Variants in BPIFC observed in about 807,000 individuals in gnomAD.
BPIFC encodes BPI fold containing family C, also known as BPI fold-containing family C protein.
In BPIFC, 60 loss-of-function variants were observed where a neutral mutation model predicts 57.6. That is an observed-to-expected ratio of 1.04 (90% CI 0.85 to 1.29). The LOEUF is 1.29. BPIFC is among the 50% of genes most tolerant of loss of function. The pLI, the probability that BPIFC is intolerant of heterozygous loss-of-function variation, is 0.00. For missense variants in BPIFC, 581 were observed against 600.5 expected (o/e 0.97, Z 0.34); for synonymous variants, 243 against 224.5 (o/e 1.08, Z -0.74).
At position 32,432,441 on chromosome 22, in the gene BPIFC, G is replaced by C. The variant is rs1339263917; in HGVS notation, c.1081C>G (p.Pro361Ala). The change falls in exon 12 of 17, where the codon CCT (proline) becomes GCT (alanine). Residue 361 changes from proline (P) to alanine (A), a missense_variant. Coordinates refer to ENST00000300399, the MANE Select transcript of BPIFC (RefSeq NM_174932.3). Reference protein sequence around the residue: ...LQPGNFTLDIPASIMMLTQPK... With the variant: ...LQPGNFTLDIAASIMMLTQPK... ...TGGGTGAGCATCATGATGGAGGCAG[G>C]GATGTCCAGGGTGAAATTGCCTGGT... 1 of 1,614,104 alleles carries C rather than the reference G, an allele frequency of 6.2e-7. No individual in the cohort carries two copies. Among genetic ancestry groups the C allele is most frequent in the Middle Eastern group, 1.7e-4 (1 of 6,052 alleles).
intron 1 of BPIFC, among the ~76,000 whole-genome samples, chr22:32,462,541 A>C (rs1006093147): frequency 5.9e-5 from 9 of 152,190 alleles, no homozygotes; most frequent in African/African-American, 2.2e-4. Flanking sequence ...TAAAATAATA[A>C]ATTTTTATTT....
intron 3 of BPIFC, 123 bp from the exon 4 acceptor site, chr22:32,453,626 C>G (rs1366914332): frequency 4.8e-6 from 6 of 1,239,414 alleles, no homozygotes; most frequent in Middle Eastern, 2.9e-4. Context: ...AAAATGGCAA[C>G]CCCACAAAGT....
At chr22:32,414,562 G>T (rs375662674) in intron 16 of BPIFC, 137 bp from the exon 17 acceptor site, 1 of 1,092,194 alleles carries the variant, frequency 9.2e-7, no homozygotes, top group South Asian at 1.6e-5. Flanking sequence ...CGCCCAGGCT[G>T]GAGTGTGGTG....
chr22:32,435,684 C>T lies in BPIFC; in HGVS notation c.924+20G>A. On this transcript the variant is annotated intron_variant, in intron 10 of 16. Transcript: ENST00000300399. ...GCTGAATGATGGTGACCATTGACAT[C>T]CTCAGTTAACTCTCCTCACCTCTTC... is the stretch of plus-strand genomic sequence containing the variant. 1 of 1,603,332 alleles carries T rather than the reference C, an allele frequency of 6.2e-7. No individual in the cohort carries two copies. Among genetic ancestry groups the T allele is most frequent in the South Asian group, 1.1e-5 (1 of 89,256 alleles).
chr22:32,450,156 A>G (rs1934855490), intron 4 of BPIFC, among the ~76,000 whole-genome samples: 2 of 126,940 alleles, frequency 1.6e-5, no homozygotes, highest in South Asian at 4.9e-4. Flanking sequence ...ATACACATAT[A>G]TACACACATA....
At chr22:32,455,684 C>T (rs1002190349) in intron 3 of BPIFC, among the ~76,000 whole-genome samples, 3 of 152,116 alleles carry the variant, frequency 2.0e-5, no homozygotes, top group East Asian at 1.9e-4. Flanking sequence ...TTTCAAGCTC[C>T]GGCAGCACAG....
At chr22:32,442,311 CA>C (rs549608183) in intron 8 of BPIFC, among the ~76,000 whole-genome samples, 213 of 152,258 alleles carry the variant, frequency 1.4e-3, no homozygotes, top group African/African-American at 4.9e-3. Flanking sequence ...ATGCTCAGGG[CA>C]GCCACTGCAG....
chr22:32,440,397 C>T (rs924453916), intron 8 of BPIFC, among the ~76,000 whole-genome samples: 10 of 152,094 alleles, frequency 6.6e-5, no homozygotes, highest in Admixed American at 2.6e-4. Flanking sequence ...CCACCTTGGC[C>T]TCCCAAAGTG....
At chr22:32,424,687 TTCTTCCTCTTCTTCTTCC>T (rs1569448088) in intron 13 of BPIFC, among the ~76,000 whole-genome samples, 30 of 77,662 alleles carry the variant, frequency 3.9e-4, no homozygotes, top group Non-Finnish European at 6.4e-4. Flanking sequence ...CTTCTTCTTC[TTCTTCCTCTTCTTCTTCC>T]TCTTCTTCTT....
At chr22:32,460,293 G>A (rs1488533909) in intron 2 of BPIFC, among the ~76,000 whole-genome samples, 1 of 152,198 alleles carries the variant, frequency 6.6e-6, no homozygotes, top group East Asian at 1.9e-4. Flanking sequence ...CCACACCAGT[G>A]TACGCAGCTG....
At chr22:32,447,041 C>T (rs1037745651) in intron 5 of BPIFC, among the ~76,000 whole-genome samples, 171 bp downstream of exon 5, 5 of 152,136 alleles carry the variant, frequency 3.3e-5, no homozygotes, top group Non-Finnish European at 5.9e-5. Context: ...ATCAAAACCC[C>T]CCAGTAGGAT....
At chr22:32,462,165 T>A (rs1230214402) in intron 1 of BPIFC, among the ~76,000 whole-genome samples, 4 of 38,556 alleles carry the variant, frequency 1.0e-4, no homozygotes, top group African/African-American at 4.1e-4. Flanking sequence ...CGAGACTCCA[T>A]CTCAAAAAAA....
chr22:32,422,831 T>C (rs997459730), intron 13 of BPIFC, among the ~76,000 whole-genome samples: 1 of 152,048 alleles, frequency 6.6e-6, no homozygotes, highest in African/African-American at 2.4e-5. Flanking sequence ...GGAAAACAAG[T>C]TTCCCTTTGA....
intron 15 of BPIFC, 133 bp downstream of exon 15, chr22:32,416,952 G>C (rs1177856383): frequency 4.6e-5 from 41 of 888,590 alleles, no homozygotes; most frequent in Non-Finnish European, 7.5e-5. Context: ...TCTGACGCTG[G>C]CCTGGATTCA....
At chr22:32,432,337 C>A in intron 12 of BPIFC, 36 bp downstream of exon 12, 1 of 1,606,886 alleles carries the variant, frequency 6.2e-7, no homozygotes, top group Non-Finnish European at 8.5e-7. Context: ...GCAGGATTGG[C>A]ATCTACAGGC....
At chr22:32,422,470 G>T (rs1450862042) in intron 13 of BPIFC, among the ~76,000 whole-genome samples, 1 of 152,142 alleles carries the variant, frequency 6.6e-6, no homozygotes, top group Admixed American at 6.6e-5. Flanking sequence ...ACTTTGGGAG[G>T]CTGAGACGGG....
At chr22:32,435,543 A>G (rs1029597051) in intron 10 of BPIFC, among the ~76,000 whole-genome samples, 161 bp downstream of exon 10, 5 of 152,196 alleles carry the variant, frequency 3.3e-5, no homozygotes, top group South Asian at 2.1e-4. Context: ...ACCCGTAACA[A>G]TGTTCACTCC....
At chr22:32,416,772 C>T (rs932660849) in intron 15 of BPIFC, among the ~76,000 whole-genome samples, 24 of 152,132 alleles carry the variant, frequency 1.6e-4, no homozygotes, top group African/African-American at 5.8e-4. Flanking sequence ...ATCTCGTTTC[C>T]GGTTGACTGG....
chr22:32,436,921 A>C (rs1294890601), intron 9 of BPIFC, among the ~76,000 whole-genome samples: 2 of 152,240 alleles, frequency 1.3e-5, no homozygotes, highest in Non-Finnish European at 2.9e-5. Flanking sequence ...TGAGTGAAAT[A>C]TGAGCCAATA....
Sources: allele counts gnomAD v4.1 joint callset (sites outside exome capture counted in the v4.1 genomes callset), GRCh38; gene constraint gnomAD v4.1.1; transcripts MANE v1.5; gene names NCBI Gene and HGNC (gene_info 2026-07-23, HGNC 2026-07-21).